Variants in TBC1D23 observed in about 807,000 individuals in gnomAD.
TBC1D23 encodes TBC1 domain family member 23, also known as HCV non-structural protein 4A-transactivated protein 1.
A neutral mutation model predicts 91.4 loss-of-function variants in TBC1D23; 55 were observed. The ratio of observed to expected loss-of-function variants is 0.60; its 90% confidence interval spans 0.48 to 0.75. The LOEUF (loss-of-function observed/expected upper bound fraction) is 0.75, where lower values mean the gene tolerates loss of function less well. TBC1D23 is among the 30% of genes least tolerant of loss of function. TBC1D23 has a pLI of 0.00. For missense variants in TBC1D23, 725 were observed against 836.1 expected, an observed-to-expected ratio of 0.87 and a Z score of 1.64; for synonymous variants, 289 against 281.0, an observed-to-expected ratio of 1.03 and a Z score of -0.28.
chr3:100,311,551 G>A (rs1415813767), intron 14 of TBC1D23, among the ~76,000 whole-genome samples: 2 of 152,060 alleles, frequency 1.3e-5, no homozygotes, highest in Admixed American at 6.6e-5. Context: ...TGAGTTGGAG[G>A]ACTATTATTG....
rs190571081 is a variant in TBC1D23, at chr3:100,325,187, G to A, written c.*1519G>A. ...TCATAATATTAATGTAAAGATGTTT[G>A]TGTTACTGTTTATAAATTACAATTG... On this transcript the variant is annotated 3_prime_UTR_variant, in exon 19 of 19. Coordinates refer to ENST00000394144, the MANE Select transcript of TBC1D23 (RefSeq NM_001199198.3). 4 of 152,194 alleles carry A rather than the reference G, an allele frequency of 2.6e-5. No individual in the cohort carries two copies. Among genetic ancestry groups the A allele is most frequent in the African/African-American group, 7.2e-5 (3 of 41,518 alleles). The allele number at this position is 152,194 out of a possible 1,614,324, so 9.4% of individuals were successfully genotyped here. A position where few individuals can be genotyped will look rare whatever the true frequency, so the allele number is the denominator to read the frequency against.
intron 1 of TBC1D23, among the ~76,000 whole-genome samples, chr3:100,268,732 T>C (rs2067577429): frequency 6.6e-6 from 1 of 152,184 alleles, no homozygotes; most frequent in Non-Finnish European, 1.5e-5. Context: ...AAAACAAGGA[T>C]GCATTTCTTT....
intron 12 of TBC1D23, 129 bp downstream of exon 12, chr3:100,305,017 A>G: frequency 1.8e-6 from 1 of 557,434 alleles, no homozygotes; most frequent in South Asian, 2.4e-5. Flanking sequence ...ATATTTTCAG[A>G]AAAGGCAAGG....
intron 17 of TBC1D23, among the ~76,000 whole-genome samples, chr3:100,319,471 C>T (rs1705812323): frequency 1.3e-5 from 2 of 151,938 alleles, no homozygotes; most frequent in Admixed American, 6.6e-5. Context: ...TCTTGTTGCC[C>T]AGGCTGGAGT....
chr3:100,312,514 C>T (rs1404965962), intron 15 of TBC1D23, among the ~76,000 whole-genome samples: 1 of 151,922 alleles, frequency 6.6e-6, no homozygotes, highest in Non-Finnish European at 1.5e-5. Flanking sequence ...CCAAATAAAA[C>T]GAGGTGCTTC....
intron 15 of TBC1D23, among the ~76,000 whole-genome samples, chr3:100,315,185 G>A (rs1480424178): frequency 8.7e-6 from 1 of 115,234 alleles, no homozygotes; most frequent in African/African-American, 3.3e-5. Flanking sequence ...TTTTTGAAAT[G>A]GAGTTTCACT....
At chr3:100,283,911 G>C in intron 4 of TBC1D23, 100 bp downstream of exon 4, 1 of 647,566 alleles carries the variant, frequency 1.5e-6, no homozygotes, top group East Asian at 2.6e-5. Flanking sequence ...AAAGTAAAAG[G>C]TTCAAATAAT....
At chr3:100,291,967 G>T (rs561417697) in intron 5 of TBC1D23, among the ~76,000 whole-genome samples, 1 of 151,978 alleles carries the variant, frequency 6.6e-6, no homozygotes, top group Admixed American at 6.6e-5. Flanking sequence ...GTTTCACCAC[G>T]ATGGCCAGGC....
At chr3:100,299,127 G>A (rs1705367969) in intron 9 of TBC1D23, 112 bp from the exon 10 acceptor site, 1 of 607,936 alleles carries the variant, frequency 1.6e-6, no homozygotes, top group Non-Finnish European at 2.9e-6. Context: ...TTCCATGTGA[G>A]ATCCATTTTT....
At chr3:100,279,240 G>C (rs1315410091) in intron 1 of TBC1D23, among the ~76,000 whole-genome samples, 11 of 152,206 alleles carry the variant, frequency 7.2e-5, no homozygotes, top group Non-Finnish European at 1.5e-4. Context: ...CGTGGGGTCA[G>C]TGATGTAACC....
Position 100,310,528 on chromosome 3 carries a change from A to G in TBC1D23, c.1539A>G (p.Ser513=). 6.2e-7 allele frequency: 1 copy of G among 1,612,670 alleles called. No individual in the cohort carries two copies. The highest frequency in any genetic ancestry group is 1.1e-5 in the South Asian group (1 of 90,836). ...TTATCAGTTTTATAGAGAATACATC[A>G]ACTCCTGTGGATCGGTGAGTTGTTT... ...EKVISFIENT[S]TPVDRMSFNL... is the part of the protein sequence containing the mutation. The change falls in exon 14 of 19, where the codon TCA becomes TCG. Residue 513 remains serine (S), a synonymous_variant. Transcript: ENST00000394144.
intron 18 of TBC1D23, among the ~76,000 whole-genome samples, chr3:100,321,626 G>C (rs1232305159): frequency 1.3e-5 from 2 of 152,140 alleles, no homozygotes; most frequent in Non-Finnish European, 2.9e-5. Context: ...CCCCCACTGG[G>C]ATTTAGGATT....
At chr3:100,261,311 G>C in intron 1 of TBC1D23, 6 of 565,572 alleles carry the variant, frequency 1.1e-5, no homozygotes, top group South Asian at 1.0e-4. Context: ...GCCTCAGAAC[G>C]GTCCTCCTGT....
intron 15 of TBC1D23, among the ~76,000 whole-genome samples, chr3:100,315,377 G>C (rs938088136): frequency 6.6e-6 from 1 of 151,974 alleles, no homozygotes; most frequent in Non-Finnish European, 1.5e-5. Flanking sequence ...GGTCAGGCTG[G>C]TCTTGAACTC....
At chr3:100,292,955 T>C (rs2067804630) in intron 5 of TBC1D23, among the ~76,000 whole-genome samples, 1 of 152,140 alleles carries the variant, frequency 6.6e-6, no homozygotes, top group Non-Finnish European at 1.5e-5. Context: ...TACCTATTTA[T>C]GTTAAGGTAG....
intron 5 of TBC1D23, 29 bp from the exon 6 acceptor site, chr3:100,295,058 A>T: frequency 6.5e-7 from 1 of 1,547,710 alleles, no homozygotes; most frequent in Non-Finnish European, 8.7e-7. Context: ...CCAGTGGTTT[A>T]TGTCTCTCAT....
chr3:100,268,679 ACT>A (rs1374126596), intron 1 of TBC1D23, among the ~76,000 whole-genome samples: 4 of 152,148 alleles, frequency 2.6e-5, no homozygotes, highest in Non-Finnish European at 5.9e-5. Context: ...CAAAAGTTAC[ACT>A]CTGTTTTTAG....
chr3:100,292,791 A>G (rs572080583), intron 5 of TBC1D23, among the ~76,000 whole-genome samples: 1 of 151,988 alleles, frequency 6.6e-6, no homozygotes, highest in Non-Finnish European at 1.5e-5. Context: ...TGTAGAGTCA[A>G]GGTCTCACCA....
intron 16 of TBC1D23, among the ~76,000 whole-genome samples, 200 bp downstream of exon 16, chr3:100,316,387 A>G (rs1346086175): frequency 2.0e-5 from 3 of 152,182 alleles, no homozygotes; most frequent in African/African-American, 7.2e-5. Context: ...AAGCACCAAC[A>G]TGGCACATGT....
Sources: allele counts gnomAD v4.1 joint callset (sites outside exome capture counted in the v4.1 genomes callset), GRCh38; gene constraint gnomAD v4.1.1; transcripts MANE v1.5; gene names NCBI Gene and HGNC (gene_info 2026-07-23, HGNC 2026-07-21).